Variants in DRC1 observed in about 807,000 individuals in gnomAD.
The protein encoded by DRC1 is dynein regulatory complex protein 1.
A neutral mutation model predicts 98.7 loss-of-function variants in DRC1; 74 were observed. The observed-to-expected ratio is 0.75, with a 90% CI of 0.62 to 0.91. The LOEUF is 0.91. Ranked by LOEUF, DRC1 falls within the 40% of genes least tolerant of loss-of-function variation. DRC1 has a pLI of 0.00. For missense variants in DRC1, 875 were observed against 886.0 expected (o/e 0.99, Z 0.16); for synonymous variants, 336 against 334.1 (o/e 1.01, Z -0.06).
In DRC1 at chr2:26,449,996, G is replaced by A; in HGVS notation, c.1510G>A (p.Gly504Arg). 2 of 1,613,654 alleles carry A rather than the reference G, an allele frequency of 1.2e-6. No individual in the cohort carries two copies. The highest frequency in any genetic ancestry group is 2.2e-5 in the South Asian group (2 of 91,002). The change falls in exon 12 of 17, where the codon GGG becomes AGG. Residue 504 changes from glycine (G) to arginine (R), a missense_variant and splice_region_variant. By Grantham distance (125) the Gly-to-Arg change is moderately radical. Coordinates refer to ENST00000288710, the MANE Select transcript of DRC1 (RefSeq NM_145038.5). ...RILMLLCDES[G>R]FLIESKLLSL... is the part of the protein sequence containing the mutation. ...GAGATGCCTTCTTCCTTCTCCCCAGGGGTTCCTCATAGAGAGCAAGCTGCT... is the reference window on the plus strand; with the variant it reads ...GAGATGCCTTCTTCCTTCTCCCCAGAGGTTCCTCATAGAGAGCAAGCTGCT...
At chr2:26,438,157 G>A (rs924115582) in intron 7 of DRC1, among the ~76,000 whole-genome samples, 2 of 150,812 alleles carry the variant, frequency 1.3e-5, no homozygotes, top group South Asian at 2.1e-4. Flanking sequence ...TTACTAACAT[G>A]GAAAATTGTT....
chr2:26,443,523 C>A (rs1299038954), intron 8 of DRC1, among the ~76,000 whole-genome samples: 2 of 152,196 alleles, frequency 1.3e-5, no homozygotes, highest in Admixed American at 1.3e-4. Flanking sequence ...TCCCCTGGCA[C>A]CCTGCATAAA....
chr2:26,414,029 T>G (rs1242380945), intron 1 of DRC1, among the ~76,000 whole-genome samples: 1 of 151,694 alleles, frequency 6.6e-6, no homozygotes, highest in Non-Finnish European at 1.5e-5. Flanking sequence ...AGCGCTGGGA[T>G]TAACAGGTGT....
chr2:26,444,337 G>C lies in DRC1; in HGVS notation c.1144G>C (p.Glu382Gln). Residue 382 changes from glutamate to glutamine, a missense_variant, in exon 9 of 17, where the codon GAG becomes CAG. By Grantham distance (29) the Glu-to-Gln change is conservative. Coordinates refer to ENST00000288710, the MANE Select transcript of DRC1 (RefSeq NM_145038.5). ...CAAACGTCTTGTGATGCAATTCAAG[G>C]AGCTACAGAAAGCCATGAGGTATCT... The part of the protein sequence containing the change: ...DYKRLVMQFK[E>Q]LQKAMRHFAL... The C allele has an allele frequency of 6.2e-7, 1 of 1,614,124 alleles. No homozygotes were observed. Among genetic ancestry groups the C allele is most frequent in the Non-Finnish European group, 8.5e-7 (1 of 1,180,020 alleles).
intron 11 of DRC1, among the ~76,000 whole-genome samples, chr2:26,449,386 T>C (rs1663941664): frequency 6.6e-6 from 1 of 152,250 alleles, no homozygotes; most frequent in Non-Finnish European, 1.5e-5. Flanking sequence ...TTTGGCTGGC[T>C]CTTGCCACTG....
At chr2:26,415,801 A>G (rs1291373079) in intron 2 of DRC1, among the ~76,000 whole-genome samples, 1 of 152,092 alleles carries the variant, frequency 6.6e-6, no homozygotes, top group Non-Finnish European at 1.5e-5. Flanking sequence ...GCCTGGTGGC[A>G]CACGCCTGGG....
intron 14 of DRC1, 53 bp downstream of exon 14, chr2:26,453,602 T>C (rs1664067771): frequency 1.3e-6 from 2 of 1,555,976 alleles, no homozygotes; most frequent in Middle Eastern, 2.1e-4. Flanking sequence ...GGGAGCTGGA[T>C]GGGCTGGGGA....
intron 15 of DRC1, 117 bp from the exon 16 acceptor site, chr2:26,455,014 T>A: frequency 7.3e-7 from 1 of 1,376,712 alleles, no homozygotes; most frequent in Non-Finnish European, 1.0e-6. Context: ...GGGTGAAGAG[T>A]GTAGCTTCTG....
At position 26,444,956 on chromosome 2, in the gene DRC1, G is replaced by C; in HGVS notation, c.1396+8G>C. 1 of 1,613,602 alleles carries C rather than the reference G, an allele frequency of 6.2e-7. No individual in the cohort carries two copies. Among genetic ancestry groups the C allele is most frequent in the East Asian group, 2.2e-5 (1 of 44,860 alleles). Reference sequence around the variant, plus strand: ...AAATGCTTATGCGCTCAGGTGACTAGAACACTGTCATAGAGCCTTAGAGCT... The same window carrying C: ...AAATGCTTATGCGCTCAGGTGACTACAACACTGTCATAGAGCCTTAGAGCT... On this transcript the variant is annotated splice_region_variant and intron_variant, in intron 10 of 16. Transcript: ENST00000288710.
intron 7 of DRC1, among the ~76,000 whole-genome samples, chr2:26,437,601 T>C (rs528040435): frequency 6.6e-6 from 1 of 152,308 alleles, no homozygotes; most frequent in Admixed American, 6.5e-5. Context: ...GACTTAGTCA[T>C]TTCACTTCTA....
At chr2:26,437,098 A>G (rs1326778968) in intron 7 of DRC1, among the ~76,000 whole-genome samples, 1 of 152,186 alleles carries the variant, frequency 6.6e-6, no homozygotes, top group Non-Finnish European at 1.5e-5. Flanking sequence ...ACTCACGATG[A>G]CCAAGGTTGG....
intron 4 of DRC1, among the ~76,000 whole-genome samples, chr2:26,425,077 T>A (rs1252507507): frequency 6.6e-6 from 1 of 152,170 alleles, no homozygotes; most frequent in African/African-American, 2.4e-5. Flanking sequence ...TAGACACCAA[T>A]TCCCTCTTCC....
chr2:26,440,624 C>T, intron 8 of DRC1, 107 bp downstream of exon 8: 1 of 1,312,742 alleles, frequency 7.6e-7, no homozygotes, highest in Non-Finnish European at 9.9e-7. Context: ...AAAATATAAC[C>T]AACACTTATT....
intron 3 of DRC1, among the ~76,000 whole-genome samples, chr2:26,422,105 G>A (rs1038315439): frequency 1.3e-5 from 2 of 152,210 alleles, no homozygotes; most frequent in Non-Finnish European, 2.9e-5. Flanking sequence ...GCAAGGTGAC[G>A]TTGAGCTGGG....
In DRC1 at chr2:26,431,065, A is replaced by G. The variant is rs144770747; in HGVS notation, c.765+193A>G. The stretch of plus-strand genomic sequence containing the variant: ...AACCTCTGACTGTCTGGTTCAAGTG[A>G]TTCTCCTGCCTCAGCCTCCCGAATA... On this transcript the variant is annotated intron_variant, in intron 6 of 16. Transcript: ENST00000288710. Among the ~76,000 whole-genome samples, 411 of 143,538 alleles carry G rather than the reference A, an allele frequency of 2.9e-3. 16 individuals carry two copies. In the East Asian group the frequency reaches 0.068, roughly 24 times the overall value. 94.2% of individuals were successfully genotyped at this position (143,538 alleles called of 152,430 possible).
intron 2 of DRC1, among the ~76,000 whole-genome samples, chr2:26,415,185 C>T (rs891690798): frequency 3.9e-5 from 6 of 152,088 alleles, no homozygotes; most frequent in African/African-American, 9.7e-5. Flanking sequence ...CCCTCCATGG[C>T]GATGAAACAG....
At chr2:26,409,659 C>G (rs1050665388) in intron 1 of DRC1, among the ~76,000 whole-genome samples, 1 of 152,144 alleles carries the variant, frequency 6.6e-6, no homozygotes, top group African/African-American at 2.4e-5. Context: ...CATTCAGCAA[C>G]AACTAGAATA....
At chr2:26,441,080 C>T (rs1663705988) in intron 8 of DRC1, among the ~76,000 whole-genome samples, 1 of 152,184 alleles carries the variant, frequency 6.6e-6, no homozygotes, top group Non-Finnish European at 1.5e-5. Flanking sequence ...CTGAAAGGTA[C>T]CTATTGCTTG....
In DRC1 at chr2:26,430,760, A is replaced by G. The variant is rs1269381029; in HGVS notation, c.679-26A>G. The stretch of plus-strand genomic sequence containing the variant: ...GACCTGCCCAATCAAAACAGATGCA[A>G]GAGTGTTTTTCCTTCTTGGTCGTAG... On this transcript the variant is annotated intron_variant, in intron 5 of 16. Coordinates refer to ENST00000288710, the MANE Select transcript of DRC1 (RefSeq NM_145038.5). The G allele has an allele frequency of 4.3e-6, 7 of 1,611,590 alleles. No homozygotes were observed. In the East Asian group the frequency reaches 1.1e-4, roughly 26 times the overall value.
Sources: gnomAD v4.1 joint callset for allele counts (sites outside exome capture counted in the v4.1 genomes callset) on GRCh38, gnomAD v4.1.1 for gene constraint, MANE v1.5 for transcripts, NCBI Gene and HGNC (gene_info 2026-07-23, HGNC 2026-07-21) for gene names.